TCEA2: variants seen among roughly 807,000 people sequenced by gnomAD.
TCEA2 encodes the protein transcription elongation factor A protein 2.
TCEA2 carries 21 observed loss-of-function variants against 40.8 expected under a neutral mutation model. The observed-to-expected ratio is 0.51, with a 90% CI of 0.36 to 0.74. The LOEUF is 0.74. TCEA2 is among the 30% of genes least tolerant of loss of function. The probability of loss-of-function intolerance (pLI) is 0.00; values close to 1 mark genes in which losing one functional copy is unlikely to be tolerated. For missense variants in TCEA2, 326 were observed against 426.5 expected (o/e 0.76, Z 2.08); for synonymous variants, 165 against 162.7 (o/e 1.01, Z -0.11).
upstream of TCEA2, among the ~76,000 whole-genome samples, chr20:64,059,207 AAAAAAAAAG>A (rs1157305086): frequency 6.7e-6 from 1 of 150,164 alleles, no homozygotes; most frequent in African/African-American, 2.5e-5. Flanking sequence ...AAAAAAAAAA[AAAAAAAAAG>A]GAGATGATGG....
intron 8 of TCEA2, 135 bp downstream of exon 8, chr20:64,070,770 CA>C: frequency 7.9e-7 from 1 of 1,262,548 alleles, no homozygotes; most frequent in Non-Finnish European, 1.1e-6. Context: ...TAGGCTAAGG[CA>C]TGATGGCCAC....
rs189302029 is a variant in TCEA2, at chr20:64,069,355, C to T, written c.330-6C>T. On this transcript the variant is annotated splice_polypyrimidine_tract_variant and splice_region_variant and intron_variant, in intron 4 of 9. Coordinates refer to ENST00000343484, the MANE Select transcript of TCEA2 (RefSeq NM_003195.6). Reference sequence around the variant, plus strand: ...TCTGAACCCAGCTGGCCCTGGCTCTCTGCAGCCGCAAGAGGCCGGAGCTGC... The same window carrying T: ...TCTGAACCCAGCTGGCCCTGGCTCTTTGCAGCCGCAAGAGGCCGGAGCTGC... The T allele has an allele frequency of 3.2e-5, 50 of 1,573,496 alleles. No individual in the cohort carries two copies. In the African/African-American group the frequency reaches 6.1e-4, roughly 19 times the overall value.
At chr20:64,061,031 G>A (rs1378892715), upstream of TCEA2, among the ~76,000 whole-genome samples, 1 of 148,992 alleles carries the variant, frequency 6.7e-6, no homozygotes, top group Non-Finnish European at 1.5e-5. Context: ...AAACTCCTGA[G>A]CTCAGGCAGT....
chr20:64,057,754 A>G (rs1173194641), intron 1 of TCEA2: 1 of 152,140 alleles, frequency 6.6e-6, no homozygotes, highest in Non-Finnish European at 1.5e-5. Context: ...GGCACTGGGG[A>G]GTTTCAGGGT....
chr20:64,064,033 A>T (rs981310335), intron 1 of TCEA2: 1 of 152,386 alleles, frequency 6.6e-6, no homozygotes, highest in African/African-American at 2.4e-5. Flanking sequence ...GGCCAGCCAG[A>T]TACCTGTCTT....
At chr20:64,066,350 T>G in intron 1 of TCEA2, 126 bp from the exon 2 acceptor site, 1 of 1,234,172 alleles carries the variant, frequency 8.1e-7, no homozygotes, top group Admixed American at 1.9e-5. Flanking sequence ...AATTTTGGTT[T>G]CTTTTTGACC....
In TCEA2 at chr20:64,072,222, C is replaced by G. The variant is rs752388992; in HGVS notation, c.*42C>G. 2.5e-6 allele frequency: 4 copies of G among 1,599,768 alleles called. No homozygotes were observed. Among genetic ancestry groups the G allele is most frequent in the Non-Finnish European group, 3.4e-6 (4 of 1,169,468 alleles). ...GCTGCAGCCTTGGGCCCTCCCCGGC[C>G]CACGTCCTCCGTTGACACAGCTTCT... On this transcript the variant is annotated 3_prime_UTR_variant, in exon 10 of 10. Coordinates refer to ENST00000343484, the MANE Select transcript of TCEA2 (RefSeq NM_003195.6).
At position 64,066,554 on chromosome 20, in the gene TCEA2, C is replaced by T; in HGVS notation, c.135+16C>T. 6.2e-7 allele frequency: 1 copy of T among 1,612,490 alleles called. No individual in the cohort carries two copies. The highest frequency in any genetic ancestry group is 8.5e-7 in the Non-Finnish European group (1 of 1,179,066). ...CCTGCTCCAGGTAGGTCCCTGCCTG[C>T]CCCAGGTCCAGGACAGCTCCTGGGT... On this transcript the variant is annotated intron_variant, in intron 2 of 9. Coordinates refer to ENST00000343484, the MANE Select transcript of TCEA2 (RefSeq NM_003195.6).
At chr20:64,062,159 G>A (rs1388226788), upstream of TCEA2, among the ~76,000 whole-genome samples, 1 of 152,244 alleles carries the variant, frequency 6.6e-6, no homozygotes, top group Non-Finnish European at 1.5e-5. Flanking sequence ...TGGCCTCATA[G>A]TTCGTTGGCC....
At chr20:64,066,750 T>G (rs1444479390) in intron 2 of TCEA2, among the ~76,000 whole-genome samples, 165 bp from the exon 3 acceptor site, 2 of 152,222 alleles carry the variant, frequency 1.3e-5, no homozygotes, top group Non-Finnish European at 2.9e-5. Context: ...CCTCCGTGGC[T>G]GAGGCTCCTG....
At chr20:64,068,178 C>A (rs1438048132) in intron 4 of TCEA2, 44 bp downstream of exon 4, 1 of 1,529,638 alleles carries the variant, frequency 6.5e-7, no homozygotes, top group Admixed American at 1.8e-5. Context: ...TGCTTCCCAG[C>A]CTGTTTCCTT....
chr20:64,068,947 C>T (rs6062626), intron 4 of TCEA2, among the ~76,000 whole-genome samples: 1 of 152,262 alleles, frequency 6.6e-6, no homozygotes, highest in Non-Finnish European at 1.5e-5. Flanking sequence ...GTGGGTCTCT[C>T]CCTCTCCCTG....
chr20:64,065,630 G>C (rs1206992537), intron 1 of TCEA2: 1 of 152,296 alleles, frequency 6.6e-6, no homozygotes, highest in Non-Finnish European at 1.5e-5. Flanking sequence ...CCCTTGGGGA[G>C]CACTGAGTTG....
chr20:64,059,654 G>T (rs1157926982), upstream of TCEA2, among the ~76,000 whole-genome samples: 1 of 152,168 alleles, frequency 6.6e-6, no homozygotes, highest in Non-Finnish European at 1.5e-5. Flanking sequence ...AGCCCCTGGT[G>T]GGGGCGGGGA....
At chr20:64,056,483 G>A (rs926647831), upstream of TCEA2, among the ~76,000 whole-genome samples, 6 of 152,082 alleles carry the variant, frequency 3.9e-5, no homozygotes, top group East Asian at 3.9e-4. Context: ...GCGCAGAGAC[G>A]GCTCCTAGGT....
intron 3 of TCEA2, 150 bp downstream of exon 3, chr20:64,067,170 G>C: frequency 1.3e-6 from 1 of 760,320 alleles, no homozygotes; most frequent in Non-Finnish European, 2.2e-6. Context: ...ACCATGAAGC[G>C]CCCAGCTTGG....
intron 9 of TCEA2, 68 bp from the exon 10 acceptor site, chr20:64,072,104 G>A (rs1479136445): frequency 6.2e-7 from 1 of 1,606,816 alleles, no homozygotes; most frequent in Non-Finnish European, 8.5e-7. Context: ...GGGTGAGCCT[G>A]TGCGGCCTTC....
At chr20:64,067,486 GCTGGGCTGGA>G (rs1020387534) in intron 3 of TCEA2, among the ~76,000 whole-genome samples, 1 of 144,166 alleles carries the variant, frequency 6.9e-6, no homozygotes, top group African/African-American at 2.5e-5. Flanking sequence ...GCTGGGCTGG[GCTGGGCTGGA>G]CTGAAGGCTG....
At chr20:64,071,113 G>A (rs2059818639) in intron 8 of TCEA2, among the ~76,000 whole-genome samples, 1 of 152,196 alleles carries the variant, frequency 6.6e-6, no homozygotes, top group Non-Finnish European at 1.5e-5. Flanking sequence ...ACTTTGGGAG[G>A]CCGAGGCAGG....
Sources: allele counts gnomAD v4.1 joint callset (sites outside exome capture counted in the v4.1 genomes callset), GRCh38; gene constraint gnomAD v4.1.1; transcripts MANE v1.5; gene names NCBI Gene and HGNC (gene_info 2026-07-23, HGNC 2026-07-21).